The following PCDH9 variants were observed in gnomAD, a reference collection of about 807,000 sequenced individuals.
The protein encoded by PCDH9 is protocadherin-9.
PCDH9 carries 24 observed loss-of-function variants against 70.6 expected under a neutral mutation model. That is an observed-to-expected ratio of 0.34 (90% CI 0.25 to 0.48). The LOEUF (loss-of-function observed/expected upper bound fraction) is 0.48, where lower values mean the gene tolerates loss of function less well. PCDH9 is among the 20% of genes least tolerant of loss of function. PCDH9 has a pLI of 0.99. For missense variants in PCDH9, 1,281 were observed against 1,503.6 expected (o/e 0.85, Z 2.45); for synonymous variants, 562 against 558.5 (o/e 1.01, Z -0.09).
rs149999591 is a variant in PCDH9, at chr13:66,308,153, G to A, written c.3341-3125C>T. Among the ~76,000 whole-genome samples the A allele has an allele frequency of 7.9e-5, 12 of 152,032 alleles. No individual in the cohort carries two copies. The East Asian group carries it at 2.1e-3, about 27-fold the overall frequency. ...GGGGGCCGTTAACTGTTTTAGGAAC[G>A]TTTTTCTCTTTATAACTTATCAGAT... On this transcript the variant is annotated intron_variant, in intron 4 of 4. Transcript: ENST00000377865.
intron 4 of PCDH9, among the ~76,000 whole-genome samples, chr13:66,407,856 A>G (rs1464859957): frequency 6.6e-6 from 1 of 152,158 alleles, no homozygotes; most frequent in Non-Finnish European, 1.5e-5. Flanking sequence ...CCTTAAAACT[A>G]CATGTACTTT....
At chr13:66,344,221 C>T (rs1956177709) in intron 4 of PCDH9, among the ~76,000 whole-genome samples, 1 of 152,214 alleles carries the variant, frequency 6.6e-6, no homozygotes, top group East Asian at 1.9e-4. Flanking sequence ...CAGCTCACTG[C>T]AACCTCCGCC....
intron 2 of PCDH9, among the ~76,000 whole-genome samples, chr13:67,028,014 T>C (rs1407709728): frequency 1.6e-4 from 24 of 150,708 alleles, no homozygotes; most frequent in Non-Finnish European, 1.8e-4. Flanking sequence ...AGTGTGGCGA[T>C]TCCTCAGGGA....
At chr13:66,665,485 CA>C (rs2139026630) in intron 3 of PCDH9, among the ~76,000 whole-genome samples, 1 of 152,282 alleles carries the variant, frequency 6.6e-6, no homozygotes, top group South Asian at 2.1e-4. Flanking sequence ...ATTTGGTACA[CA>C]TATTTCCCAG....
chr13:67,023,929 G>A (rs2084728955), intron 2 of PCDH9, among the ~76,000 whole-genome samples: 1 of 151,676 alleles, frequency 6.6e-6, no homozygotes, highest in East Asian at 1.9e-4. Context: ...CATTAAAGAT[G>A]TTCCATATTA....
At chr13:66,384,964 C>T (rs1364584380) in intron 4 of PCDH9, among the ~76,000 whole-genome samples, 3 of 152,064 alleles carry the variant, frequency 2.0e-5, no homozygotes, top group Admixed American at 6.6e-5. Flanking sequence ...CCATGGCGCC[C>T]GGCCCATATC....
At chr13:66,597,952 T>C (rs761699780) in intron 4 of PCDH9, among the ~76,000 whole-genome samples, 14 of 151,282 alleles carry the variant, frequency 9.3e-5, no homozygotes, top group Non-Finnish European at 1.5e-4. Context: ...TGCATACAAA[T>C]GGCCAACAGA....
At chr13:66,825,461 C>T (rs1024613978) in intron 3 of PCDH9, among the ~76,000 whole-genome samples, 2 of 149,258 alleles carry the variant, frequency 1.3e-5, no homozygotes, top group Non-Finnish European at 3.0e-5. Flanking sequence ...CTCAGCCTCC[C>T]GTGTAGCTGG....
intron 4 of PCDH9, among the ~76,000 whole-genome samples, chr13:66,324,011 T>G (rs2138096329): frequency 6.6e-6 from 1 of 152,190 alleles, no homozygotes; most frequent in Non-Finnish European, 1.5e-5. Flanking sequence ...ATTGCCTATA[T>G]ATGCTGTGAC....
chr13:66,979,087 T>C (rs909224933), intron 2 of PCDH9, among the ~76,000 whole-genome samples: 20 of 152,086 alleles, frequency 1.3e-4, no homozygotes, highest in African/African-American at 3.9e-4. Context: ...ACGTTTTGTT[T>C]TGTTTCGACA....
rs2090828020 is a variant in PCDH9 at position 66,838,762 on chromosome 13, G to A, written c.3138+64742C>T. On this transcript the variant is annotated intron_variant, in intron 3 of 4. Transcript: ENST00000377865. ...ACTTTATTCTTTTTTTCATTTAAAA[G>A]GAAAACATGATGTACTAGAATTATT... 2.6e-5 allele frequency among the ~76,000 whole-genome samples: 4 copies of A among 151,880 alleles called. No individual in the cohort carries two copies. The South Asian group carries it at 8.3e-4, about 32-fold the overall frequency.
At chr13:66,953,762 G>A (rs9529159) in intron 2 of PCDH9, among the ~76,000 whole-genome samples, 39,188 of 152,012 alleles carry the variant, frequency 0.26, 6,246 homozygotes, top group African/African-American at 0.44. Context: ...CACAGTAACT[G>A]TACCTAGTAT....
intron 4 of PCDH9, among the ~76,000 whole-genome samples, chr13:66,547,550 T>A (rs904653975): frequency 6.6e-6 from 1 of 152,164 alleles, no homozygotes; most frequent in Non-Finnish European, 1.5e-5. Context: ...CATTCTTACA[T>A]CCTGTCTGTA....
chr13:66,557,688 T>C (rs1961796418), intron 4 of PCDH9, among the ~76,000 whole-genome samples: 1 of 152,212 alleles, frequency 6.6e-6, no homozygotes, highest in Non-Finnish European at 1.5e-5. Context: ...CTATTATAAG[T>C]ATTTAGAGTT....
chr13:67,203,749 A>T (rs918464248), intron 2 of PCDH9: 3 of 152,120 alleles, frequency 2.0e-5, no homozygotes, highest in Non-Finnish European at 4.4e-5. Flanking sequence ...ATCACAAATT[A>T]TGTATAAATA....
At chr13:66,780,172 T>C (rs1015971475) in intron 3 of PCDH9, among the ~76,000 whole-genome samples, 1 of 152,024 alleles carries the variant, frequency 6.6e-6, no homozygotes, top group Non-Finnish European at 1.5e-5. Context: ...TATAGTAACC[T>C]CTTTACTGTC....
chr13:67,014,380 T>C (rs1039720831), intron 2 of PCDH9, among the ~76,000 whole-genome samples: 1 of 152,092 alleles, frequency 6.6e-6, no homozygotes, highest in African/African-American at 2.4e-5. Flanking sequence ...CCTTTTAAGT[T>C]GATGGTGTCT....
chr13:67,162,739 C>T (rs768771571), intron 2 of PCDH9, among the ~76,000 whole-genome samples: 22 of 151,886 alleles, frequency 1.4e-4, no homozygotes, highest in Non-Finnish European at 2.8e-4. Context: ...GAAAACAGAT[C>T]GAGTACCCCC....
chr13:66,611,231 A>C (rs141754753), intron 4 of PCDH9, among the ~76,000 whole-genome samples: 1 of 152,158 alleles, frequency 6.6e-6, no homozygotes, highest in South Asian at 2.1e-4. Flanking sequence ...CATTTCATTC[A>C]CAGAGACTAA....
Sources: gnomAD v4.1 joint callset for allele counts (sites outside exome capture counted in the v4.1 genomes callset) on GRCh38, gnomAD v4.1.1 for gene constraint, MANE v1.5 for transcripts, NCBI Gene and HGNC (gene_info 2026-07-23, HGNC 2026-07-21) for gene names.